Variants in RBM19 observed in about 807,000 individuals in gnomAD.
RBM19 encodes probable RNA-binding protein 19.
RBM19 carries 94 observed loss-of-function variants against 116.8 expected under a neutral mutation model. That is an observed-to-expected ratio of 0.80 (90% CI 0.68 to 0.95). The LOEUF is 0.95. Among genes scored for constraint, RBM19 ranks in the 40% least tolerant of loss-of-function variants. The probability of loss-of-function intolerance (pLI) is 0.00; values close to 1 mark genes in which losing one functional copy is unlikely to be tolerated. For synonymous variants in RBM19, 475 were observed against 494.1 expected, an observed-to-expected ratio of 0.96 and a Z score of 0.51; for missense variants, 1,161 against 1,220.7, an observed-to-expected ratio of 0.95 and a Z score of 0.73.
intron 21 of RBM19, among the ~76,000 whole-genome samples, chr12:113,871,493 G>A (rs1744728677): frequency 6.6e-6 from 1 of 152,196 alleles, no homozygotes; most frequent in South Asian, 2.1e-4. Context: ...TTAGCTTTGC[G>A]ACTACTCTAC....
chr12:113,958,023 G>A lies in RBM19; in HGVS notation c.599C>T (p.Ala200Val). ...EEEASLEPKAAVQKELSDMDY... is the reference protein window; with the variant it reads ...EEEASLEPKAVVQKELSDMDY... The stretch of plus-strand genomic sequence containing the variant: ...CATGTCCGACAGCTCCTTCTGCACA[G>A]CTGCCTTTGGTTCGAGGCTTGCCTC... The change falls in exon 6 of 24, where the codon GCT becomes GTT. Residue 200 changes from alanine (A) to valine (V), a missense_variant. Coordinates refer to ENST00000261741, the MANE Select transcript of RBM19 (RefSeq NM_016196.4). 1.2e-6 allele frequency: 2 copies of A among 1,613,044 alleles called. No individual in the cohort carries two copies. Among genetic ancestry groups the A allele is most frequent in the Non-Finnish European group, 1.7e-6 (2 of 1,179,524 alleles).
At chr12:113,839,295 C>T (rs1876247399) in intron 23 of RBM19, among the ~76,000 whole-genome samples, 1 of 152,246 alleles carries the variant, frequency 6.6e-6, no homozygotes, top group Admixed American at 6.5e-5. Flanking sequence ...AGGAGGCCAG[C>T]AGGCCTATTC....
chr12:113,935,008 C>T (rs2135894965), intron 16 of RBM19, among the ~76,000 whole-genome samples: 1 of 152,296 alleles, frequency 6.6e-6, no homozygotes, highest in South Asian at 2.1e-4. Context: ...GCCCCATTCC[C>T]TGCCTTCACG....
At chr12:113,830,805 A>G (rs955995759) in intron 23 of RBM19, among the ~76,000 whole-genome samples, 10 of 152,306 alleles carry the variant, frequency 6.6e-5, no homozygotes, top group African/African-American at 2.4e-4. Flanking sequence ...GGTTTGGTCC[A>G]CATTAGTTAC....
intron 21 of RBM19, among the ~76,000 whole-genome samples, chr12:113,860,142 G>T (rs550254640): frequency 6.6e-6 from 1 of 152,360 alleles, no homozygotes; most frequent in South Asian, 2.1e-4. Flanking sequence ...AAACGGCAGA[G>T]AGGCACTGGT....
rs561719862 is a variant in RBM19 at position 113,942,311 on chromosome 12, C to T, written c.1737+13G>A. On this transcript the variant is annotated intron_variant, in intron 14 of 23. Transcript: ENST00000261741. ...GTGGCTGCTGGCTGGCTGGCGCCAC[C>T]GAGAACACCCACCTGGCTGAAGGAA... 123 of 1,598,670 alleles carry T rather than the reference C, an allele frequency of 7.7e-5. No homozygotes were observed. In the East Asian group the frequency reaches 2.5e-3, roughly 32 times the overall value.
At chr12:113,942,652 C>T (rs577382827) in intron 13 of RBM19, among the ~76,000 whole-genome samples, 1 of 151,076 alleles carries the variant, frequency 6.6e-6, no homozygotes, top group Non-Finnish European at 1.5e-5. Flanking sequence ...ATCTGTCCCC[C>T]AGGCTGGAGT....
intron 22 of RBM19, among the ~76,000 whole-genome samples, chr12:113,857,653 T>C (rs1878008975): frequency 6.6e-6 from 1 of 152,226 alleles, no homozygotes; most frequent in Non-Finnish European, 1.5e-5. Context: ...TATGGCCATG[T>C]GTCAACAAAA....
chr12:113,961,872 C>T (rs1383463457), intron 2 of RBM19, among the ~76,000 whole-genome samples: 3 of 152,262 alleles, frequency 2.0e-5, no homozygotes. Flanking sequence ...TTTCTCTAAA[C>T]TCCCAGCATC....
intron 21 of RBM19, among the ~76,000 whole-genome samples, chr12:113,892,932 A>C (rs977166994): frequency 6.6e-6 from 1 of 152,112 alleles, no homozygotes; most frequent in Non-Finnish European, 1.5e-5. Flanking sequence ...ACTCACCAAT[A>C]ATGATCTTTA....
chr12:113,932,922 A>C (rs995596312), intron 16 of RBM19, among the ~76,000 whole-genome samples: 3 of 152,060 alleles, frequency 2.0e-5, no homozygotes, highest in African/African-American at 7.2e-5. Flanking sequence ...GCACAATCAA[A>C]TCCAGTCACG....
At chr12:113,818,262 GAC>G (rs1468154118), downstream of RBM19, 2 of 141,572 alleles carry the variant, frequency 1.4e-5, no homozygotes, top group African/African-American at 5.3e-5. Context: ...CAGACACACA[GAC>G]ACAGCAATAG....
At chr12:113,902,103 T>C (rs1168265860) in intron 21 of RBM19, among the ~76,000 whole-genome samples, 1 of 152,250 alleles carries the variant, frequency 6.6e-6, no homozygotes, top group South Asian at 2.1e-4. Flanking sequence ...ACATTAATAA[T>C]TGACCTTATT....
At chr12:113,965,863 G>A (rs979764222) in intron 1 of RBM19, among the ~76,000 whole-genome samples, 1 of 152,152 alleles carries the variant, frequency 6.6e-6, no homozygotes, top group Non-Finnish European at 1.5e-5. Context: ...ACCATGTCCC[G>A]GGTCAACAAC....
chr12:113,900,191 C>G (rs1297461600), intron 21 of RBM19, among the ~76,000 whole-genome samples: 1 of 152,210 alleles, frequency 6.6e-6, no homozygotes, highest in African/African-American at 2.4e-5. Flanking sequence ...CAAGAAAACC[C>G]TTCTCAGTGC....
chr12:113,915,488 C>T (rs189688090), intron 20 of RBM19, among the ~76,000 whole-genome samples: 30 of 152,282 alleles, frequency 2.0e-4, no homozygotes, highest in African/African-American at 6.7e-4. Context: ...GAGGAACATG[C>T]GGGGGCCTAA....
At chr12:113,872,327 G>A (rs1425585597) in intron 21 of RBM19, among the ~76,000 whole-genome samples, 14 of 149,932 alleles carry the variant, frequency 9.3e-5, no homozygotes, top group African/African-American at 2.7e-4. Context: ...CCCTCCGCCC[G>A]GCAGCCGCCC....
In RBM19 at chr12:113,939,672, C is replaced by T. The variant is rs566643260; in HGVS notation, c.1938+288G>A. Among the ~76,000 whole-genome samples, 1,361 of 151,914 alleles carry T rather than the reference C, an allele frequency of 9.0e-3. 11 individuals carry two copies. Among genetic ancestry groups the T allele is most frequent in the Non-Finnish European group, 0.016 (1,083 of 67,972 alleles). On this transcript the variant is annotated intron_variant, in intron 15 of 23. Transcript: ENST00000261741. ...GGCTGAGGCAGGAGAATGGCGTGAA[C>T]CCGGGAGGCGGAGCTTGCAGTGAGC...
intron 14 of RBM19, among the ~76,000 whole-genome samples, chr12:113,941,812 C>T (rs1453017291): frequency 6.6e-6 from 1 of 152,196 alleles, no homozygotes; most frequent in Admixed American, 6.5e-5. Flanking sequence ...GCTCCTCTCA[C>T]ATATAGACTG....
Sources: gnomAD v4.1 joint callset for allele counts (sites outside exome capture counted in the v4.1 genomes callset) on GRCh38, gnomAD v4.1.1 for gene constraint, MANE v1.5 for transcripts, NCBI Gene and HGNC (gene_info 2026-07-23, HGNC 2026-07-21) for gene names.